PP2D1: variants seen among roughly 807,000 people sequenced by gnomAD.
The protein encoded by PP2D1 is protein phosphatase 2C like domain containing 1.
A neutral mutation model predicts 30.2 loss-of-function variants in PP2D1; 25 were observed. The ratio of observed to expected loss-of-function variants is 0.83; its 90% CI spans 0.60 to 1.16. The LOEUF is 1.16. PP2D1 is among the 50% of genes most tolerant of loss of function. The pLI, the probability that PP2D1 is intolerant of heterozygous loss-of-function variation, is 0.00. For missense variants in PP2D1, 760 were observed against 742.4 expected, an observed-to-expected ratio of 1.02 and a Z score of -0.28; for synonymous variants, 260 against 258.9, an observed-to-expected ratio of 1.00 and a Z score of -0.04.
Position 20,001,272 on chromosome 3 carries a change from T to C in PP2D1, c.848A>G (p.His283Arg). 6.5e-7 allele frequency: 1 copy of C among 1,536,192 alleles called. No homozygotes were observed. The highest frequency in any genetic ancestry group is 8.7e-7 in the Non-Finnish European group (1 of 1,146,906). The change falls in exon 2 of 3, where the codon CAC (histidine) becomes CGC (arginine). Residue 283 changes from histidine (H) to arginine (R), a missense_variant. Around this residue, in one of 3 missense-constraint regions of PP2D1, gnomAD observed 374 missense variants for 388.8 expected, o/e 0.96. Transcript: ENST00000389050. ...EAVRCEYEDT[H>R]KAFAKAFWRM... is the part of the protein sequence containing the mutation. ...CCAAAATGCTTTTGCAAAGGCTTTGTGTGTGTCCTCATACTCACACCTCAC... is the reference window on the plus strand; with the variant it reads ...CCAAAATGCTTTTGCAAAGGCTTTGCGTGTGTCCTCATACTCACACCTCAC...
At chr3:20,009,553 G>GTAAAAAAAAAAAAAAA in intron 1 of PP2D1, among the ~76,000 whole-genome samples, 1 of 152,162 alleles carries the variant, frequency 6.6e-6, no homozygotes, top group South Asian at 2.1e-4. Context: ...AAAAATGAAT[G>GTAAAAAAAAAAAAAAA]GAAAATAATG....
chr3:19,988,876 C>G lies in PP2D1; in HGVS notation c.1091-2694G>C, dbSNP rs1440543505. On this transcript the variant is annotated intron_variant, in intron 2 of 2. Transcript: ENST00000389050. ...ACATGCACACCTGTAATCCCAGTTA[C>G]TTGGGAGGCTGAGGCACAAGAACTG... 2.6e-5 allele frequency among the ~76,000 whole-genome samples: 4 copies of G among 152,114 alleles called. No homozygotes were observed. In the East Asian group the frequency reaches 7.7e-4, roughly 29 times the overall value.
rs1256826740 is a variant in PP2D1 at position 20,002,105 on chromosome 3, A to C, written c.24-9T>G. ...TTGATTTCCAAAACACTCTGCAAACAGGATGAAAGATATTTACATGCCAGG... is the reference window on the plus strand; with the variant it reads ...TTGATTTCCAAAACACTCTGCAAACCGGATGAAAGATATTTACATGCCAGG... On this transcript the variant is annotated splice_polypyrimidine_tract_variant and intron_variant, in intron 1 of 2. Transcript: ENST00000389050. The C allele has an allele frequency of 1.3e-6, 2 of 1,499,828 alleles. No individual in the cohort carries two copies. The highest frequency in any genetic ancestry group is 2.5e-5 in the East Asian group (1 of 40,782). 92.9% of individuals were successfully genotyped at this position (1,499,828 alleles called of 1,614,324 possible). A position where few individuals can be genotyped will look rare whatever the true frequency, so the allele number is the denominator to read the frequency against.
chr3:20,007,005 G>A (rs201920540), intron 1 of PP2D1, among the ~76,000 whole-genome samples: 4 of 75,444 alleles, frequency 5.3e-5, no homozygotes, highest in Admixed American at 1.4e-4. Flanking sequence ...ACACACACAC[G>A]TATACACACA....
intron 1 of PP2D1, among the ~76,000 whole-genome samples, chr3:20,005,442 G>A (rs1174107925): frequency 1.3e-5 from 2 of 152,126 alleles, no homozygotes; most frequent in Non-Finnish European, 2.9e-5. Flanking sequence ...ATTAGCCACT[G>A]TGCCCAGCCA....
At chr3:20,007,362 C>T (rs1270383817) in intron 1 of PP2D1, among the ~76,000 whole-genome samples, 1 of 151,964 alleles carries the variant, frequency 6.6e-6, no homozygotes, top group Non-Finnish European at 1.5e-5. Context: ...GATGCAGAAC[C>T]TTCAGATATG....
chr3:19,985,593 A>ACGATGAGT lies in PP2D1; in HGVS notation c.1672_1679dup (p.Lys561LeufsTer10), dbSNP rs1255776775. 5 of 1,536,052 alleles carry ACGATGAGT rather than the reference A, an allele frequency of 3.3e-6. No individual in the cohort carries two copies. In the Middle Eastern group the frequency reaches 6.7e-4, roughly 205 times the overall value. On this transcript the variant is annotated frameshift_variant, in exon 3 of 3. Coordinates refer to ENST00000389050, the MANE Select transcript of PP2D1 (RefSeq NM_001252657.2). LOFTEE classifies it low-confidence loss of function (END_TRUNC). Reference sequence around the variant, plus strand: ...CAGTTACTTTTTCACTGCAAGGTTTACGATGAGTCGTTTCTGCTGGAAATG... The same window carrying ACGATGAGT: ...CAGTTACTTTTTCACTGCAAGGTTTACGATGAGTCGATGAGTCGTTTCTGCTGGAAATG...
intron 1 of PP2D1, among the ~76,000 whole-genome samples, chr3:20,002,919 G>A (rs1265639282): frequency 1.3e-5 from 2 of 152,098 alleles, no homozygotes; most frequent in East Asian, 3.9e-4. Flanking sequence ...GCTGGGCATG[G>A]TGGCAGGTGC....
chr3:19,984,287 C>T (rs1227366526), downstream of PP2D1: 1 of 430,004 alleles, frequency 2.3e-6, no homozygotes, highest in East Asian at 7.2e-5. Flanking sequence ...ATGTTCATTT[C>T]TCCTGGTACC....
chr3:19,985,511 T>C lies in PP2D1; in HGVS notation c.1762A>G (p.Ser588Gly), dbSNP rs1697015554. Residue 588 changes from serine (S) to glycine (G), a missense_variant, in exon 3 of 3, where the codon AGT (serine) becomes GGT (glycine). Physicochemically the swap from Ser to Gly is moderately conservative, Grantham distance 56 (BLOSUM62 0). Transcript: ENST00000389050. ...TACTCAGCTGCGCCTTCATAGAAAC[T>C]CTTAGTGTCTGATTCTTTTTCATTT... ...ATNEKESDTK[S>G]FYEGAAEYVS... 7 of 1,535,978 alleles carry C rather than the reference T, an allele frequency of 4.6e-6. No homozygotes were observed. Among genetic ancestry groups the C allele is most frequent in the Non-Finnish European group, 5.2e-6 (6 of 1,146,888 alleles).
chr3:20,008,072 T>C (rs1697342932), intron 1 of PP2D1: 1 of 163,376 alleles, frequency 6.1e-6, no homozygotes, highest in South Asian at 1.9e-4. Flanking sequence ...TCTTTCAAGG[T>C]TGCATCTATC....
intron 2 of PP2D1, among the ~76,000 whole-genome samples, chr3:19,988,397 C>T (rs1478636205): frequency 1.3e-5 from 2 of 152,156 alleles, no homozygotes; most frequent in East Asian, 1.9e-4. Flanking sequence ...GTAGCACCCC[C>T]AGGCCTTTTA....
intron 1 of PP2D1, among the ~76,000 whole-genome samples, chr3:20,010,270 A>G (rs1462420243): frequency 6.6e-6 from 1 of 151,602 alleles, no homozygotes; most frequent in Non-Finnish European, 1.5e-5. Context: ...TGATTTTTGT[A>G]TTTTCAGTAG....
chr3:19,986,177 C>T lies in PP2D1; in HGVS notation c.1096G>A (p.Val366Met). ...GILHVANTGN[V>M]QAVLCRNGKG... ...CCATTTCTGCATAAGACTGCTTGCA[C>T]ATTACCTAAAAGATTATTTTTTAAA... Residue 366 changes from valine to methionine, a missense_variant, in exon 3 of 3, where the codon GTG (valine) becomes ATG (methionine). Around this residue, in one of 3 missense-constraint regions of PP2D1, gnomAD observed 369 missense variants for 316.2 expected, o/e 1.17. Transcript: ENST00000389050. 2 of 1,475,262 alleles carry T rather than the reference C, an allele frequency of 1.4e-6. No homozygotes were observed. Among genetic ancestry groups the T allele is most frequent in the Non-Finnish European group, 1.8e-6 (2 of 1,120,648 alleles). 91.4% of individuals were successfully genotyped at this position (1,475,262 alleles called of 1,614,324 possible). A position where few individuals can be genotyped will look rare whatever the true frequency, so the allele number is the denominator to read the frequency against.
chr3:19,985,685 A>T lies in PP2D1; in HGVS notation c.1588T>A (p.Ser530Thr). 1 of 1,535,926 alleles carries T rather than the reference A, an allele frequency of 6.5e-7. No homozygotes were observed. The highest frequency in any genetic ancestry group is 8.7e-7 in the Non-Finnish European group (1 of 1,146,734). ...TTTGAATCGGATAAATTTTCTTTGG[A>T]ATTTGTAGTTGACACACGTACTTCA... The part of the protein sequence containing the change: ...VSEVRVSTTN[S>T]KENLSDSNYS... Residue 530 changes from serine (S) to threonine (T), a missense_variant, in exon 3 of 3, where the codon TCC becomes ACC. By Grantham distance (58) the Ser-to-Thr change is moderately conservative. Transcript: ENST00000389050.
At chr3:20,006,053 C>T (rs926756377) in intron 1 of PP2D1, among the ~76,000 whole-genome samples, 83 of 152,042 alleles carry the variant, frequency 5.5e-4, no homozygotes, top group Non-Finnish European at 9.3e-4. Flanking sequence ...GGGACTAGCC[C>T]AGCCAACATG....
intron 2 of PP2D1, among the ~76,000 whole-genome samples, chr3:19,987,399 CATTT>C (rs1361601527): frequency 6.6e-5 from 10 of 152,010 alleles, no homozygotes; most frequent in African/African-American, 2.4e-4. Context: ...GATATTAAAT[CATTT>C]ATGATTTATA....
chr3:19,986,005 T>C lies in PP2D1; in HGVS notation c.1268A>G (p.His423Arg), dbSNP rs1444723328. The C allele has an allele frequency of 3.8e-5, 58 of 1,535,988 alleles. No homozygotes were observed. Among genetic ancestry groups the C allele is most frequent in the Non-Finnish European group, 5.1e-5 (58 of 1,146,856 alleles). The change falls in exon 3 of 3, where the codon CAT becomes CGT. Residue 423 changes from histidine to arginine, a missense_variant. Around this residue, in one of 3 missense-constraint regions of PP2D1, gnomAD observed 369 missense variants for 316.2 expected, o/e 1.17. Coordinates refer to ENST00000389050, the MANE Select transcript of PP2D1 (RefSeq NM_001252657.2). ...QVKTTRGLGFHGNLKLKKSII... is the reference protein window; with the variant it reads ...QVKTTRGLGFRGNLKLKKSII... Reference sequence around the variant, plus strand: ...GGATTTTTTCAGCTTGAGATTTCCATGAAATCCAAGTCCTCGTGTAGTTTT... The same window carrying C: ...GGATTTTTTCAGCTTGAGATTTCCACGAAATCCAAGTCCTCGTGTAGTTTT...
rs188490796 is a variant in PP2D1, at chr3:19,995,791, G to T, written c.1090+5239C>A. ...TATCTTTTCATACCACAATGGAATA[G>T]AACTAGTAATCAATAGCAAGAGGAA... On this transcript the variant is annotated intron_variant, in intron 2 of 2. Transcript: ENST00000389050. 3.0e-4 allele frequency among the ~76,000 whole-genome samples: 45 copies of T among 152,154 alleles called. 1 individual carries two copies. The highest frequency in any genetic ancestry group is 8.2e-4 in the African/African-American group (34 of 41,522).
Sources: allele counts gnomAD v4.1 joint callset (sites outside exome capture counted in the v4.1 genomes callset), GRCh38; gene constraint gnomAD v4.1.1; regional missense constraint gnomAD v4.1.1; transcripts MANE v1.5; gene names NCBI Gene and HGNC (gene_info 2026-07-23, HGNC 2026-07-21).